ZRANB3: variants seen among roughly 807,000 people sequenced by gnomAD.
ZRANB3 encodes DNA annealing helicase and endonuclease ZRANB3.
ZRANB3 carries 125 observed loss-of-function variants against 133.8 expected under a neutral mutation model. The ratio of observed to expected loss-of-function variants is 0.93; its 90% CI spans 0.81 to 1.08. ZRANB3 has a LOEUF of 1.08. Ranked by LOEUF, ZRANB3 falls within the 50% of genes least tolerant of loss-of-function variation. The pLI, the probability that ZRANB3 is intolerant of heterozygous loss-of-function variation, is 0.00. For missense variants in ZRANB3, 1,229 were observed against 1,275.5 expected, an observed-to-expected ratio of 0.96 and a Z score of 0.56; for synonymous variants, 387 against 432.7, an observed-to-expected ratio of 0.89 and a Z score of 1.31.
chr2:135,420,592 T>C (rs1474576749), intron 2 of ZRANB3, among the ~76,000 whole-genome samples: 1 of 152,162 alleles, frequency 6.6e-6, no homozygotes, highest in African/African-American at 2.4e-5. Context: ...TGAGCTAATA[T>C]CCTACTTCTG....
At chr2:135,303,768 C>CA (rs769549419) in intron 8 of ZRANB3, among the ~76,000 whole-genome samples, 9 of 152,158 alleles carry the variant, frequency 5.9e-5, no homozygotes, top group South Asian at 2.1e-4. Context: ...ATTGACTCTT[C>CA]TGATTCATGA....
intron 2 of ZRANB3, among the ~76,000 whole-genome samples, chr2:135,414,103 A>G (rs576132041): frequency 6.6e-6 from 1 of 152,118 alleles, no homozygotes; most frequent in Non-Finnish European, 1.5e-5. Context: ...ACACATAACA[A>G]TATTAACCTT....
chr2:135,527,701 A>C (rs1694217842), intron 1 of ZRANB3, among the ~76,000 whole-genome samples: 1 of 152,258 alleles, frequency 6.6e-6, no homozygotes, highest in Non-Finnish European at 1.5e-5. Context: ...TAGCTATCAC[A>C]AATGATAATA....
At position 135,200,545 on chromosome 2, in the gene ZRANB3, C is replaced by T. The variant is rs574830270; in HGVS notation, c.3142-105G>A. The T allele has an allele frequency of 5.5e-6, 5 of 910,270 alleles. No homozygotes were observed. The African/African-American group carries it at 6.7e-5, about 12-fold the overall frequency. 56.4% of individuals were successfully genotyped at this position (910,270 alleles called of 1,614,324 possible). On this transcript the variant is annotated intron_variant, in intron 20 of 20. Coordinates refer to ENST00000264159, the MANE Select transcript of ZRANB3 (RefSeq NM_032143.4). ...TAGTTTGGAAAATCTACAGTCACTA[C>T]ACCCATTTTCCAGTGGTTGGCTATG...
intron 8 of ZRANB3, among the ~76,000 whole-genome samples, chr2:135,279,199 A>G (rs778213418): frequency 8.5e-5 from 13 of 152,340 alleles, no homozygotes; most frequent in Non-Finnish European, 1.3e-4. Context: ...CTTTGGCAAT[A>G]ATAAAAAATT....
intron 2 of ZRANB3, among the ~76,000 whole-genome samples, chr2:135,481,562 G>C (rs1691812027): frequency 6.6e-6 from 1 of 151,900 alleles, no homozygotes; most frequent in African/African-American, 2.4e-5. Flanking sequence ...CCATTTTGTA[G>C]GTTGCCTGTT....
intron 15 of ZRANB3, among the ~76,000 whole-genome samples, chr2:135,221,717 A>G (rs900799028): frequency 6.6e-6 from 1 of 152,196 alleles, no homozygotes; most frequent in African/African-American, 2.4e-5. Context: ...AGGGTGGCTC[A>G]GGCACTTAAA....
At chr2:135,381,394 T>G (rs77172225) in intron 3 of ZRANB3, among the ~76,000 whole-genome samples, 6,776 of 152,310 alleles carry the variant, frequency 0.044, 509 homozygotes, top group African/African-American at 0.16. Flanking sequence ...CAATGAGGTC[T>G]GCCTGCCTCT....
chr2:135,362,521 G>A (rs1298052540), intron 3 of ZRANB3, among the ~76,000 whole-genome samples: 2 of 152,210 alleles, frequency 1.3e-5, no homozygotes, highest in Non-Finnish European at 2.9e-5. Context: ...CTGAGTCGGG[G>A]ATGGTGGCAG....
chr2:135,272,163 TAGC>T (rs1680548995), intron 9 of ZRANB3, among the ~76,000 whole-genome samples: 1 of 152,214 alleles, frequency 6.6e-6, no homozygotes, highest in African/African-American at 2.4e-5. Flanking sequence ...GCCTTGTATA[TAGC>T]AGAAGCTCCA....
At chr2:135,314,890 C>T (rs966799134) in intron 7 of ZRANB3, among the ~76,000 whole-genome samples, 4 of 151,780 alleles carry the variant, frequency 2.6e-5, no homozygotes, top group African/African-American at 7.3e-5. Flanking sequence ...GCTGGGATTA[C>T]GGGCACTCGC....
At chr2:135,244,244 G>A (rs1695685170) in intron 12 of ZRANB3, among the ~76,000 whole-genome samples, 1 of 152,094 alleles carries the variant, frequency 6.6e-6, no homozygotes, top group Non-Finnish European at 1.5e-5. Context: ...AAGGCAGGCA[G>A]ATCACTTGAT....
At chr2:135,235,234 C>T (rs1005394492) in intron 12 of ZRANB3, among the ~76,000 whole-genome samples, 1 of 152,076 alleles carries the variant, frequency 6.6e-6, no homozygotes. Context: ...AAGACTGAAC[C>T]AGGAAGAAGT....
chr2:135,324,563 G>C lies in ZRANB3; in HGVS notation c.678-9033C>G, dbSNP rs181593157. ...ACATACGCGTGCATGTGTCTTTATA[G>C]CAGCATTATTTATAATCCTTTGGGT... On this transcript the variant is annotated intron_variant, in intron 6 of 20. Coordinates refer to ENST00000264159, the MANE Select transcript of ZRANB3 (RefSeq NM_032143.4). 2.6e-3 allele frequency among the ~76,000 whole-genome samples: 398 copies of C among 152,244 alleles called. 1 individual carries two copies. Among genetic ancestry groups the C allele is most frequent in the African/African-American group, 8.7e-3 (363 of 41,550 alleles).
At chr2:135,346,067 G>C (rs549969689) in intron 5 of ZRANB3, among the ~76,000 whole-genome samples, 1 of 152,216 alleles carries the variant, frequency 6.6e-6, no homozygotes, top group East Asian at 1.9e-4. Flanking sequence ...CGTGATATTG[G>C]ACATATAGGC....
At chr2:135,333,801 G>A (rs1269575081) in intron 6 of ZRANB3, among the ~76,000 whole-genome samples, 1 of 152,096 alleles carries the variant, frequency 6.6e-6, no homozygotes, top group Admixed American at 6.6e-5. Flanking sequence ...TGTTTAAATG[G>A]TAAATTTTGT....
At chr2:135,208,574 T>C (rs1382374606) in intron 18 of ZRANB3, among the ~76,000 whole-genome samples, 2 of 152,234 alleles carry the variant, frequency 1.3e-5, no homozygotes, top group African/African-American at 2.4e-5. Flanking sequence ...GAGCTCAAGA[T>C]TCGGGGACAG....
intron 2 of ZRANB3, among the ~76,000 whole-genome samples, chr2:135,423,575 C>T (rs1688953795): frequency 6.6e-6 from 1 of 152,166 alleles, no homozygotes; most frequent in Non-Finnish European, 1.5e-5. Context: ...AAGTCACATT[C>T]CCAGGTACTA....
intron 2 of ZRANB3, among the ~76,000 whole-genome samples, chr2:135,496,094 A>G (rs1374898056): frequency 6.6e-6 from 1 of 152,122 alleles, no homozygotes; most frequent in African/African-American, 2.4e-5. Context: ...CAAAATTTCC[A>G]CAGACTGGCC....
Sources: allele counts gnomAD v4.1 joint callset (sites outside exome capture counted in the v4.1 genomes callset), GRCh38; gene constraint gnomAD v4.1.1; transcripts MANE v1.5; gene names NCBI Gene and HGNC (gene_info 2026-07-23, HGNC 2026-07-21).